Variants in DDB2 observed in about 807,000 individuals in gnomAD.
The protein encoded by DDB2 is damage specific DNA binding protein 2.
In DDB2, 27 loss-of-function variants were observed where a neutral mutation model predicts 50.5. The ratio of observed to expected loss-of-function variants is 0.53; its 90% CI spans 0.39 to 0.74. The LOEUF (loss-of-function observed/expected upper bound fraction) is 0.74. Ranked by LOEUF, DDB2 falls within the 30% of genes least tolerant of loss-of-function variation. The pLI, the probability that DDB2 is intolerant of heterozygous loss-of-function variation, is 0.00. For missense variants in DDB2, 424 were observed against 545.6 expected (o/e 0.78, Z 2.22); for synonymous variants, 176 against 205.5 (o/e 0.86, Z 1.23).
rs766756674 is a variant in DDB2, at chr11:47,215,312, G to C, written c.127+49G>C. ...AATATTTCCGCCTTTTAGGGTGCTCGCGCAGGAGGCTGCAGCGGGGGATGG... is the reference window on the plus strand; with the variant it reads ...AATATTTCCGCCTTTTAGGGTGCTCCCGCAGGAGGCTGCAGCGGGGGATGG... On this transcript the variant is annotated intron_variant, in intron 1 of 9. Transcript: ENST00000256996. The C allele has an allele frequency of 2.5e-6, 4 of 1,612,126 alleles. No individual in the cohort carries two copies. The Admixed American group carries it at 6.7e-5, about 27-fold the overall frequency.
In DDB2 at chr11:47,237,956, G is replaced by A; in HGVS notation, c.1143G>A (p.Lys381=). Residue 381 remains lysine, a synonymous_variant, in exon 8 of 10, where the codon AAG becomes AAA. Transcript: ENST00000256996. ...ACGTGTTCGATGGAAACTCAGGGAA[G>A]ATGATGTGTCAGCTCTATGACCCAG... The part of the protein sequence containing the change: ...TIDVFDGNSG[K]MMCQLYDPES... 1 of 1,614,206 alleles carries A rather than the reference G, an allele frequency of 6.2e-7. No homozygotes were observed. Among genetic ancestry groups the A allele is most frequent in the Middle Eastern group, 1.6e-4 (1 of 6,062 alleles).
Position 47,220,561 on chromosome 11 carries a change from C to T in DDB2, c.456+3512C>T, listed in dbSNP as rs185647092. The T allele has an allele frequency of 3.9e-5, 6 of 152,270 alleles. No homozygotes were observed. The East Asian group carries it at 1.2e-3, about 29-fold the overall frequency. The allele number at this position is 152,270 out of a possible 1,614,324, so 9.4% of individuals were successfully genotyped here. A position where few individuals can be genotyped will look rare whatever the true frequency, so the allele number is the denominator to read the frequency against. ...CGTGTAACCTTCTTTACAGTGTAAA[C>T]TTTCTTTACACTGTAATGAAGATTG... On this transcript the variant is annotated intron_variant, in intron 3 of 9. Coordinates refer to ENST00000256996, the MANE Select transcript of DDB2 (RefSeq NM_000107.3).
rs756968720 is a variant in DDB2, at chr11:47,238,866, T to C, written c.*17T>C. The C allele has an allele frequency of 2.9e-5, 47 of 1,612,512 alleles. No homozygotes were observed. The highest frequency in any genetic ancestry group is 2.4e-5 in the Non-Finnish European group (28 of 1,179,706). On this transcript the variant is annotated 3_prime_UTR_variant, in exon 10 of 10. Transcript: ENST00000256996. ...CGGAAGTGAGAGACACTAAAGAAGG[T>C]GTGGGCCAGACAAGGCCTTGGAGCC...
chr11:47,238,033 G>A (rs756792852), intron 8 of DDB2, 32 bp downstream of exon 8: 4 of 1,613,984 alleles, frequency 2.5e-6, no homozygotes, highest in South Asian at 1.1e-5. Context: ...AATGATGGGA[G>A]GAAGCAGGGA....
intron 3 of DDB2, chr11:47,217,409 T>G (rs1158884152): frequency 6.5e-6 from 1 of 154,816 alleles, no homozygotes; most frequent in African/African-American, 2.4e-5. Context: ...TAAAAGAAAA[T>G]AAAAATAAGG....
At chr11:47,225,042 C>T (rs984930399) in intron 3 of DDB2, among the ~76,000 whole-genome samples, 2 of 151,860 alleles carry the variant, frequency 1.3e-5, no homozygotes, top group South Asian at 2.1e-4. Context: ...CAGGTTCAAG[C>T]GACCCTTCTG....
chr11:47,221,948 A>G (rs987664992), intron 3 of DDB2, among the ~76,000 whole-genome samples: 17 of 152,220 alleles, frequency 1.1e-4, no homozygotes, highest in Admixed American at 2.0e-4. Context: ...CAAGTGTACA[A>G]TTTGGCTATT....
At chr11:47,237,428 ATAC>A (rs1205954195) in intron 7 of DDB2, among the ~76,000 whole-genome samples, 5 of 151,538 alleles carry the variant, frequency 3.3e-5, no homozygotes, top group East Asian at 1.9e-4. Flanking sequence ...TTACTGGCAA[ATAC>A]TACTTTTTTT....
upstream of DDB2, chr11:47,214,520 G>C (rs1297826388): frequency 6.5e-6 from 1 of 153,740 alleles, no homozygotes; most frequent in East Asian, 1.9e-4. Flanking sequence ...AGGAAGTCAA[G>C]GCTGGATGAT....
At chr11:47,230,761 G>C (rs970263670) in intron 3 of DDB2, among the ~76,000 whole-genome samples, 5 of 152,172 alleles carry the variant, frequency 3.3e-5, no homozygotes. Context: ...GCGTAAAGAA[G>C]AAGTGGAAAA....
Position 47,217,134 on chromosome 11 carries a change from G to C in DDB2, c.456+85G>C. On this transcript the variant is annotated intron_variant, in intron 3 of 9. Coordinates refer to ENST00000256996, the MANE Select transcript of DDB2 (RefSeq NM_000107.3). Reference sequence around the variant, plus strand: ...TTCGCACCTGTAATCCCAGCACTTTGGGAGGCCAAGGTGGGTGGATCACCT... The same window carrying C: ...TTCGCACCTGTAATCCCAGCACTTTCGGAGGCCAAGGTGGGTGGATCACCT... 5.0e-6 allele frequency: 6 copies of C among 1,200,680 alleles called. No individual in the cohort carries two copies. The Admixed American group carries it at 1.1e-4, about 23-fold the overall frequency. 74.4% of individuals were successfully genotyped at this position (1,200,680 alleles called of 1,614,324 possible).
At position 47,235,336 on chromosome 11, in the gene DDB2, C is replaced by T. The variant is rs375788966; in HGVS notation, c.947C>T (p.Ser316Phe). ...CAGAAGAGCGAGATCCGAGTTTACT[C>T]TGCTTCCCAGTGGGACTGCCCCCTG... ...TDQKSEIRVYSASQWDCPLGL... is the reference protein window; with the variant it reads ...TDQKSEIRVYFASQWDCPLGL... Residue 316 changes from serine to phenylalanine, a missense_variant, in exon 7 of 10, where the codon TCT becomes TTT. By Grantham distance (155) the Ser-to-Phe change is radical. Transcript: ENST00000256996. 28 of 1,614,086 alleles carry T rather than the reference C, an allele frequency of 1.7e-5. No individual in the cohort carries two copies. Among genetic ancestry groups the T allele is most frequent in the Non-Finnish European group, 2.4e-5 (28 of 1,180,048 alleles).
At chr11:47,224,033 C>T (rs1458191958) in intron 3 of DDB2, among the ~76,000 whole-genome samples, 1 of 152,050 alleles carries the variant, frequency 6.6e-6, no homozygotes, top group Non-Finnish European at 1.5e-5. Context: ...CCCAGGGGGA[C>T]AAGGCTTCAG....
chr11:47,215,122 C>A lies in DDB2; in HGVS notation c.-15C>A. 1 of 1,614,028 alleles carries A rather than the reference C, an allele frequency of 6.2e-7. No homozygotes were observed. The highest frequency in any genetic ancestry group is 8.5e-7 in the Non-Finnish European group (1 of 1,180,004). ...CTTCGCATAGAGCACAGTACCCCTT[C>A]ACACGGAGGACGCGATGGCTCCCAA... On this transcript the variant is annotated 5_prime_UTR_variant, in exon 1 of 10. Coordinates refer to ENST00000256996, the MANE Select transcript of DDB2 (RefSeq NM_000107.3).
intron 4 of DDB2, 67 bp from the exon 5 acceptor site, chr11:47,234,506 C>T (rs150822718): frequency 6.6e-5 from 85 of 1,296,466 alleles, no homozygotes; most frequent in African/African-American, 8.7e-5. Flanking sequence ...GTCACCGGAG[C>T]GGCAACAGTG....
rs1953412137 is a variant in DDB2 at position 47,217,190 on chromosome 11, A to G, written c.456+141A>G. 3.9e-5 allele frequency: 27 copies of G among 685,018 alleles called. 1 individual carries two copies. The South Asian group carries it at 4.0e-4, about 10-fold the overall frequency. 42.4% of individuals were successfully genotyped at this position (685,018 alleles called of 1,614,324 possible). On this transcript the variant is annotated intron_variant, in intron 3 of 9. Coordinates refer to ENST00000256996, the MANE Select transcript of DDB2 (RefSeq NM_000107.3). ...ATGGAGTTTGAGACCAGCCTGGCCA[A>G]CATGGTGAAACCCCGTCTCTACTAA...
chr11:47,223,706 C>G (rs1953518605), intron 3 of DDB2, among the ~76,000 whole-genome samples: 1 of 151,614 alleles, frequency 6.6e-6, no homozygotes, highest in Non-Finnish European at 1.5e-5. Flanking sequence ...GGTGTGAACC[C>G]AGGAGGCAGA....
chr11:47,234,983 C>T (rs1953704029), intron 6 of DDB2, 49 bp downstream of exon 6: 2 of 1,600,086 alleles, frequency 1.2e-6, no homozygotes, highest in Non-Finnish European at 1.7e-6. Flanking sequence ...CCTGTCTGAC[C>T]ACTGCTGGGG....
intron 3 of DDB2, among the ~76,000 whole-genome samples, chr11:47,223,309 AC>A (rs1420663051): frequency 6.6e-6 from 1 of 150,832 alleles, no homozygotes; most frequent in Non-Finnish European, 1.5e-5. Context: ...ACATGGTGAA[AC>A]CCCGCCTCTA....
Sources: allele counts gnomAD v4.1 joint callset (sites outside exome capture counted in the v4.1 genomes callset), GRCh38; gene constraint gnomAD v4.1.1; transcripts MANE v1.5; gene names NCBI Gene and HGNC (gene_info 2026-07-23, HGNC 2026-07-21).